The following PHLDB2 variants were observed in gnomAD, a reference collection of about 807,000 sequenced individuals.
PHLDB2 encodes the protein pleckstrin homology-like domain family B member 2.
In PHLDB2, 71 loss-of-function variants were observed where a neutral mutation model predicts 123.6. The observed-to-expected ratio is 0.57, with a 90% CI of 0.47 to 0.70. The LOEUF is 0.70. Ranked by LOEUF, PHLDB2 falls within the 30% of genes least tolerant of loss-of-function variation. The pLI, the probability that PHLDB2 is intolerant of heterozygous loss-of-function variation, is 0.00. For missense variants in PHLDB2, 1,446 were observed against 1,519.5 expected (o/e 0.95, Z 0.80); for synonymous variants, 547 against 541.6 (o/e 1.01, Z -0.14).
At chr3:111,841,340 T>G (rs1255392558) in intron 1 of PHLDB2, among the ~76,000 whole-genome samples, 2 of 151,772 alleles carry the variant, frequency 1.3e-5, no homozygotes, top group Non-Finnish European at 2.9e-5. Context: ...TGAGTAGGAG[T>G]AGGAGGAGGG....
At position 111,900,185 on chromosome 3, in the gene PHLDB2, A is replaced by C. The variant is rs2067110715; in HGVS notation, c.1336-13134A>C. Among the ~76,000 whole-genome samples the C allele has an allele frequency of 2.0e-5, 3 of 152,172 alleles. No individual in the cohort carries two copies. The South Asian group carries it at 6.2e-4, about 32-fold the overall frequency. The stretch of plus-strand genomic sequence containing the variant: ...AGTGTTTGATCTATTTTGACCACTA[A>C]AACTTTCTTTACATCAGCAGTAAGG... On this transcript the variant is annotated intron_variant, in intron 2 of 17. Transcript: ENST00000431670.
intron 6 of PHLDB2, 94 bp downstream of exon 6, chr3:111,932,491 C>T: frequency 8.1e-7 from 1 of 1,237,052 alleles, no homozygotes; most frequent in Non-Finnish European, 1.1e-6. Flanking sequence ...CTTCATATAG[C>T]ATAAGTTTGC....
intron 13 of PHLDB2, among the ~76,000 whole-genome samples, chr3:111,963,264 T>C (rs1413824256): frequency 2.0e-5 from 3 of 152,154 alleles, no homozygotes; most frequent in Non-Finnish European, 4.4e-5. Context: ...AGCTTAATGA[T>C]TGAGAGGATG....
chr3:111,862,039 G>C (rs367613872), intron 1 of PHLDB2, among the ~76,000 whole-genome samples: 4 of 152,208 alleles, frequency 2.6e-5, no homozygotes, highest in African/African-American at 7.2e-5. Context: ...ACAGGATTTT[G>C]CCATGTTGGT....
chr3:111,929,452 A>G (rs576868811), intron 5 of PHLDB2, among the ~76,000 whole-genome samples: 3 of 152,222 alleles, frequency 2.0e-5, no homozygotes, highest in Non-Finnish European at 4.4e-5. Context: ...ACATTTAAAA[A>G]GCAAGAATCC....
chr3:111,765,198 C>T (rs1011147742), intron 1 of PHLDB2, among the ~76,000 whole-genome samples: 3 of 152,128 alleles, frequency 2.0e-5, no homozygotes, highest in Non-Finnish European at 4.4e-5. Context: ...GTTTGAAGCC[C>T]CTTAGTCTTC....
At chr3:111,831,033 G>GAAA (rs1559855387) in intron 1 of PHLDB2, among the ~76,000 whole-genome samples, 6,179 of 54,450 alleles carry the variant, frequency 0.11, 642 homozygotes, top group East Asian at 0.15. Context: ...AAGAAAGAAA[G>GAAA]GAAGGAAGGA....
At chr3:111,780,315 G>GAGGAAGAAGAAGAAGAAGAAGAA (rs754733203) in intron 1 of PHLDB2, among the ~76,000 whole-genome samples, 1 of 4,944 alleles carries the variant, frequency 2.0e-4, no homozygotes, top group African/African-American at 5.8e-4. Flanking sequence ...AAGAGGAAGA[G>GAGGAAGAAGAAGAAGAAGAAGAA]GAAGAGGAAG....
At chr3:111,970,859 G>T (rs1485458250) in intron 16 of PHLDB2, among the ~76,000 whole-genome samples, 2 of 152,160 alleles carry the variant, frequency 1.3e-5, no homozygotes, top group Non-Finnish European at 2.9e-5. Context: ...ATAAATAACA[G>T]TCTAGTCATT....
intron 1 of PHLDB2, among the ~76,000 whole-genome samples, chr3:111,881,927 G>T (rs186330026): frequency 6.6e-6 from 1 of 152,128 alleles, no homozygotes; most frequent in Admixed American, 6.5e-5. Context: ...AGAGTCAACT[G>T]AATAAGAAAA....
chr3:111,938,616 G>T (rs964989807), intron 6 of PHLDB2, among the ~76,000 whole-genome samples: 2 of 151,908 alleles, frequency 1.3e-5, no homozygotes, highest in Admixed American at 6.6e-5. Context: ...GTATGAAAGG[G>T]GTCTAATTTT....
chr3:111,965,020 C>G (rs11928985), intron 13 of PHLDB2, among the ~76,000 whole-genome samples: 25,299 of 152,124 alleles, frequency 0.17, 2,421 homozygotes, highest in African/African-American at 0.25. Context: ...GTCCTGCATG[C>G]CTGTCTTTGG....
intron 5 of PHLDB2, among the ~76,000 whole-genome samples, chr3:111,924,364 C>T (rs1315404158): frequency 6.6e-6 from 1 of 152,240 alleles, no homozygotes; most frequent in Non-Finnish European, 1.5e-5. Flanking sequence ...ACTGTTTATC[C>T]AGCCCGTAGC....
At chr3:111,921,776 G>A (rs2068519934) in intron 5 of PHLDB2, among the ~76,000 whole-genome samples, 2 of 152,050 alleles carry the variant, frequency 1.3e-5, no homozygotes, top group South Asian at 2.1e-4. Flanking sequence ...CTAATTTTTT[G>A]TATTTTCAGT....
At chr3:111,899,777 T>C (rs2067082470) in intron 2 of PHLDB2, among the ~76,000 whole-genome samples, 2 of 152,206 alleles carry the variant, frequency 1.3e-5, no homozygotes, top group African/African-American at 4.8e-5. Context: ...AGCTGTTTTG[T>C]CTACGTTGTT....
chr3:111,825,856 A>G (rs1246858451), intron 1 of PHLDB2, among the ~76,000 whole-genome samples: 2 of 152,226 alleles, frequency 1.3e-5, no homozygotes, highest in East Asian at 3.8e-4. Context: ...TAAGAGAGCT[A>G]GAAAAGAAAA....
chr3:111,880,011 A>G (rs1202553786), intron 1 of PHLDB2, among the ~76,000 whole-genome samples: 14 of 120,372 alleles, frequency 1.2e-4, no homozygotes, highest in Non-Finnish European at 2.0e-4. Flanking sequence ...TTTTTTGGCC[A>G]TATCCACAGT....
At position 111,922,575 on chromosome 3, in the gene PHLDB2, A is replaced by C. The variant is rs535441414; in HGVS notation, c.2001+2156A>C. On this transcript the variant is annotated intron_variant, in intron 5 of 17. Coordinates refer to ENST00000431670, the MANE Select transcript of PHLDB2 (RefSeq NM_001134438.2). ...TATTCTCTGTCATTACATCATGTGA[A>C]AAATGGCAGAAACTGGCTTGGGGTG... is the stretch of plus-strand genomic sequence containing the variant. 2.0e-5 allele frequency among the ~76,000 whole-genome samples: 3 copies of C among 152,334 alleles called. No homozygotes were observed. The South Asian group carries it at 6.2e-4, about 32-fold the overall frequency.
intron 3 of PHLDB2, among the ~76,000 whole-genome samples, chr3:111,918,610 C>T (rs1390157005): frequency 6.6e-6 from 1 of 152,188 alleles, no homozygotes; most frequent in Non-Finnish European, 1.5e-5. Context: ...ATTCAAGAGG[C>T]TTTTGCAGAT....
Sources: gnomAD v4.1 joint callset for allele counts (sites outside exome capture counted in the v4.1 genomes callset) on GRCh38, gnomAD v4.1.1 for gene constraint, MANE v1.5 for transcripts, NCBI Gene and HGNC (gene_info 2026-07-23, HGNC 2026-07-21) for gene names.